MAP1S: variants seen among roughly 807,000 people sequenced by gnomAD.
MAP1S encodes microtubule associated protein 1S, also known as microtubule-associated protein 1S.
In MAP1S, 27 loss-of-function variants were observed where a neutral mutation model predicts 60.9. The ratio of observed to expected loss-of-function variants is 0.44; its 90% CI spans 0.33 to 0.61. The LOEUF (loss-of-function observed/expected upper bound fraction) is 0.61. MAP1S is among the 20% of genes least tolerant of loss of function. MAP1S has a pLI of 0.03. For synonymous variants in MAP1S, 826 were observed against 694.2 expected, an observed-to-expected ratio of 1.19 and a Z score of -2.98; for missense variants, 1,608 against 1,486.6, an observed-to-expected ratio of 1.08 and a Z score of -1.34.
At chr19:17,723,009 C>T (rs2145972134) in intron 2 of MAP1S, among the ~76,000 whole-genome samples, 1 of 152,216 alleles carries the variant, frequency 6.6e-6, no homozygotes, top group African/African-American at 2.4e-5. Context: ...GGTTGGCCCT[C>T]ACCGGCCCCC....
In MAP1S at chr19:17,733,609, G is replaced by A. The variant is rs929166314; in HGVS notation, c.3024+181G>A. ...CGGACTCTGATTCTGTCGTGTCACT[G>A]TTGTCATTGGCTGTGCTGGAAGCCT... On this transcript the variant is annotated intron_variant, in intron 6 of 6. Transcript: ENST00000324096. Among the ~76,000 whole-genome samples the A allele has an allele frequency of 4.2e-4, 64 of 152,214 alleles. 1 individual carries two copies. The highest frequency in any genetic ancestry group is 1.5e-3 in the African/African-American group (62 of 41,452).
chr19:17,720,790 A>G (rs1414973407), intron 1 of MAP1S, 146 bp from the exon 2 acceptor site: 2 of 709,458 alleles, frequency 2.8e-6, no homozygotes. Flanking sequence ...GCGAGACCTG[A>G]AGGTGTTGGG....
rs764791663 is a variant in MAP1S at position 17,727,182 on chromosome 19, T to C, written c.1798T>C (p.Ser600Pro). The change falls in exon 5 of 7, where the codon TCT becomes CCT. Residue 600 changes from serine (S) to proline (P), a missense_variant. Ser to Pro is a moderately conservative substitution (Grantham distance 74). Coordinates refer to ENST00000324096, the MANE Select transcript of MAP1S (RefSeq NM_018174.6). The surrounding 1 kb of genome is among the most constrained non-coding windows in gnomAD (Gnocchi z 4.1). ...CAGCCCCCCCAGTGCAGCCTGCGGC[T>C]CTCCGGCCTCCCAGCTGGTGGCCAC... The part of the protein sequence containing the change: ...EASPPSAACG[S>P]PASQLVATPS... 7.3e-5 allele frequency: 115 copies of C among 1,578,324 alleles called. No homozygotes were observed. Among genetic ancestry groups the C allele is most frequent in the Non-Finnish European group, 8.8e-5 (103 of 1,166,158 alleles).
rs2080457375 is a variant in MAP1S, at chr19:17,727,962, A to G, written c.2578A>G (p.Ser860Gly). Residue 860 changes from serine (S) to glycine (G), a missense_variant, in exon 5 of 7, where the codon AGC (serine) becomes GGC (glycine). Physicochemically the swap from Ser to Gly is moderately conservative, Grantham distance 56 (BLOSUM62 0). This residue lies in a region of MAP1S where 1,167 missense variants were observed against 961.4 expected (regional missense o/e 1.21). Transcript: ENST00000324096. This position sits in a 1 kb window ranked among gnomAD's most constrained non-coding sequence, Gnocchi z 4.1. ...GACAGCACGGCAAACGGAGAACGTC[A>G]GCCGCACCCGGAAGCCCCTGGCCCG... ...PKTARQTENV[S>G]RTRKPLARPN... 6 of 1,607,022 alleles carry G rather than the reference A, an allele frequency of 3.7e-6. No individual in the cohort carries two copies. Among genetic ancestry groups the G allele is most frequent in the Non-Finnish European group, 4.3e-6 (5 of 1,176,466 alleles).
At chr19:17,720,571 C>A (rs1039181988) in intron 1 of MAP1S, 19 of 1,405,540 alleles carry the variant, frequency 1.4e-5, no homozygotes, top group Middle Eastern at 2.3e-4. Context: ...GGGGGAAGGG[C>A]CCCCTGGCCA....
At chr19:17,724,607 T>C (rs2080400770) in intron 3 of MAP1S, among the ~76,000 whole-genome samples, 1 of 152,176 alleles carries the variant, frequency 6.6e-6, no homozygotes, top group African/African-American at 2.4e-5. Context: ...ATCCGGAAGA[T>C]GAACCAGACA....
intron 5 of MAP1S, among the ~76,000 whole-genome samples, chr19:17,730,967 T>G (rs1390940771): frequency 6.6e-6 from 1 of 151,344 alleles, no homozygotes; most frequent in African/African-American, 2.4e-5. Context: ...CTTGGCTCAC[T>G]GCAACCTCCG....
rs574565787 is a variant in MAP1S, at chr19:17,727,859, T to A, written c.2475T>A (p.Pro825=). The A allele has an allele frequency of 3.2e-5, 51 of 1,613,322 alleles. 1 individual carries two copies. In the South Asian group the frequency reaches 5.2e-4, roughly 16 times the overall value. Residue 825 remains proline, a synonymous_variant, in exon 5 of 7, where the codon CCT becomes CCA. Coordinates refer to ENST00000324096, the MANE Select transcript of MAP1S (RefSeq NM_018174.6). The surrounding 1 kb of genome is among the most constrained non-coding windows in gnomAD (Gnocchi z 4.1). ...GAGTCCCTCGCCACGACCCTTTGCC[T>A]GACCCCCTCAAGGTCCCCCCACCAC... The part of the protein sequence containing the change: ...GFGVPRHDPL[P]DPLKVPPPLP...
At position 17,729,301 on chromosome 19, in the gene MAP1S, C is replaced by T. The variant is rs568973815; in HGVS notation, c.2788+1129C>T. ...GCCCAGGTTTCCTATTGGGCCATTA[C>T]ATAGGCATCTTCTGCCTGGCACCCA... is the stretch of plus-strand genomic sequence containing the variant. On this transcript the variant is annotated intron_variant, in intron 5 of 6. Transcript: ENST00000324096. 2.0e-4 allele frequency among the ~76,000 whole-genome samples: 30 copies of T among 152,238 alleles called. No homozygotes were observed. The South Asian group carries it at 5.6e-3, about 28-fold the overall frequency.
Position 17,727,633 on chromosome 19 carries a change from C to T in MAP1S, c.2249C>T (p.Ala750Val), listed in dbSNP as rs1283251222. Residue 750 changes from alanine to valine, a missense_variant, in exon 5 of 7, where the codon GCG becomes GTG. Physicochemically the swap from Ala to Val is moderately conservative, Grantham distance 64 (BLOSUM62 0). Around this residue, in one of 4 missense-constraint regions of MAP1S, gnomAD observed 1,167 missense variants for 961.4 expected, o/e 1.21. Coordinates refer to ENST00000324096, the MANE Select transcript of MAP1S (RefSeq NM_018174.6). The surrounding 1 kb of genome is among the most constrained non-coding windows in gnomAD (Gnocchi z 4.1). ...VSPCEFEHRK[A>V]VPMAPAPASP... is the part of the protein sequence containing the mutation. Reference sequence around the variant, plus strand: ...CCCTGTGAATTTGAGCATCGCAAGGCGGTGCCAATGGCACCGGCACCTGCG... The same window carrying T: ...CCCTGTGAATTTGAGCATCGCAAGGTGGTGCCAATGGCACCGGCACCTGCG... The T allele has an allele frequency of 2.5e-6, 4 of 1,608,102 alleles. No individual in the cohort carries two copies. The highest frequency in any genetic ancestry group is 1.1e-5 in the South Asian group (1 of 91,046).
rs1158069363 is a variant in MAP1S at position 17,733,431 on chromosome 19, G to A, written c.3024+3G>A. On this transcript the variant is annotated splice_donor_region_variant and intron_variant, in intron 6 of 6. Coordinates refer to ENST00000324096, the MANE Select transcript of MAP1S (RefSeq NM_018174.6). ...AGCATTGGGACCGTGACCTGCAGGT[G>A]CGTGTCACCCCAGGGCCTCTGGTGG... The A allele has an allele frequency of 6.3e-7, 1 of 1,589,016 alleles. No individual in the cohort carries two copies. Among genetic ancestry groups the A allele is most frequent in the Non-Finnish European group, 8.6e-7 (1 of 1,166,818 alleles).
Position 17,725,207 on chromosome 19 carries a change from C to T in MAP1S, c.444+18C>T, listed in dbSNP as rs747263001. 4.4e-6 allele frequency: 7 copies of T among 1,595,578 alleles called. No individual in the cohort carries two copies. The highest frequency in any genetic ancestry group is 6.0e-6 in the Non-Finnish European group (7 of 1,170,816). On this transcript the variant is annotated intron_variant, in intron 4 of 6. Coordinates refer to ENST00000324096, the MANE Select transcript of MAP1S (RefSeq NM_018174.6). This position sits in a 1 kb window ranked among gnomAD's most constrained non-coding sequence, Gnocchi z 4.2. ...ACAGAGAGGTAAGCCACCCCTTTGC[C>T]ATCCCCTGCTTCCCCAGCTCTGAAT...
intron 1 of MAP1S, chr19:17,720,732 T>C: frequency 1.6e-6 from 1 of 621,308 alleles, no homozygotes; most frequent in Non-Finnish European, 2.8e-6. Flanking sequence ...TGATGAATCT[T>C]GTGTGTAAAA....
rs1186653593 is a variant in MAP1S, at chr19:17,726,115, A to G, written c.731A>G (p.Tyr244Cys). The change falls in exon 5 of 7, where the codon TAC (tyrosine) becomes TGC (cysteine). Residue 244 changes from tyrosine to cysteine, a missense_variant. By Grantham distance (194) the Tyr-to-Cys change is radical (BLOSUM62 -2). Transcript: ENST00000324096. ...GFLRLGRPCC[Y>C]IFPGGLGDAA... ...CTCAGGCTGGGCCGGCCCTGCTGCT[A>G]CATCTTCCCTGGAGGCCTCGGGGAT... 1.2e-6 allele frequency: 2 copies of G among 1,613,852 alleles called. No homozygotes were observed. The highest frequency in any genetic ancestry group is 1.7e-6 in the Non-Finnish European group (2 of 1,179,906).
intron 3 of MAP1S, among the ~76,000 whole-genome samples, 157 bp downstream of exon 3, chr19:17,724,365 C>T (rs1282470624): frequency 6.6e-6 from 1 of 152,152 alleles, no homozygotes; most frequent in African/African-American, 2.4e-5. Flanking sequence ...GTGGCTTCAG[C>T]CTCCGCTTCT....
chr19:17,733,491 T>C (rs1269801961), intron 6 of MAP1S, 63 bp downstream of exon 6: 2 of 1,349,124 alleles, frequency 1.5e-6, no homozygotes, highest in Admixed American at 2.6e-5. Flanking sequence ...AAAACCACCC[T>C]CGACCCTCAG....
rs74180836 is a variant in MAP1S at position 17,727,303 on chromosome 19, C to T, written c.1919C>T (p.Ser640Phe). The change falls in exon 5 of 7, where the codon TCC (serine) becomes TTC (phenylalanine). Residue 640 changes from serine (S) to phenylalanine (F), a missense_variant. Physicochemically the swap from Ser to Phe is radical, Grantham distance 155. Coordinates refer to ENST00000324096, the MANE Select transcript of MAP1S (RefSeq NM_018174.6). The surrounding 1 kb of genome is among the most constrained non-coding windows in gnomAD (Gnocchi z 4.1). ...TCAATCCCAAGGCCACGCACACCCT[C>T]CCCTGAGTCCCACCGGAGCCCCGCA... ...ASSIPRPRTP[S>F]PESHRSPAEG... is the part of the protein sequence containing the mutation. The T allele has an allele frequency of 5.7e-6, 9 of 1,591,364 alleles. No individual in the cohort carries two copies. Among genetic ancestry groups the T allele is most frequent in the Non-Finnish European group, 6.8e-6 (8 of 1,173,920 alleles).
intron 6 of MAP1S, among the ~76,000 whole-genome samples, chr19:17,733,732 T>C (rs1161672487): frequency 6.6e-6 from 1 of 152,098 alleles, no homozygotes; most frequent in Non-Finnish European, 1.5e-5. Context: ...TTAGTCGGGA[T>C]GGAATAGGTG....
In MAP1S at chr19:17,733,049, C is replaced by T. The variant is rs534559675; in HGVS notation, c.2789-144C>T. The stretch of plus-strand genomic sequence containing the variant: ...AAATAAGATTCACTGGAGTCATGAG[C>T]GCACCAGGCCTCCCCAGAAAACTCT... On this transcript the variant is annotated intron_variant, in intron 5 of 6. Coordinates refer to ENST00000324096, the MANE Select transcript of MAP1S (RefSeq NM_018174.6). 63 of 584,992 alleles carry T rather than the reference C, an allele frequency of 1.1e-4. No individual in the cohort carries two copies. In the South Asian group the frequency reaches 1.2e-3, roughly 11 times the overall value. The allele number at this position is 584,992 out of a possible 1,614,324, so 36.2% of individuals were successfully genotyped here.
Sources: gnomAD v4.1 joint callset for allele counts (sites outside exome capture counted in the v4.1 genomes callset) on GRCh38, gnomAD v4.1.1 for gene constraint, gnomAD v4.1.1 regional missense constraint, Gnocchi (gnomAD v3.1) non-coding constraint, MANE v1.5 for transcripts, NCBI Gene and HGNC (gene_info 2026-07-23, HGNC 2026-07-21) for gene names.